Variants in AMMECR1 observed in about 807,000 individuals in gnomAD.
AMMECR1 encodes the protein nuclear protein AMMECR1.
AMMECR1 carries 3 observed loss-of-function variants against 22.5 expected under a neutral mutation model. That is an observed-to-expected ratio of 0.13 (90% CI 0.06 to 0.35). The LOEUF is 0.35. Among genes scored for constraint, AMMECR1 ranks in the 10% least tolerant of loss-of-function variants. The pLI is 1.00. For synonymous variants in AMMECR1, 130 were observed against 116.7 expected, an observed-to-expected ratio of 1.11 and a Z score of -0.74; for missense variants, 235 against 278.7, an observed-to-expected ratio of 0.84 and a Z score of 1.12.
chrX:110,231,301 G>A (rs2067564547), intron 2 of AMMECR1, among the ~76,000 whole-genome samples: 1 of 111,539 alleles, frequency 9.0e-6, no homozygotes, highest in African/African-American at 3.2e-5. Flanking sequence ...TACCCACAAA[G>A]GGAACAGCGG....
intron 2 of AMMECR1, among the ~76,000 whole-genome samples, chrX:110,390,444 C>T (rs2068487047): frequency 8.9e-6 from 1 of 112,160 alleles, no homozygotes; most frequent in Admixed American, 9.4e-5. Context: ...AACATCAACA[C>T]TGCTTTTAGC....
chrX:110,228,663 G>A (rs978420783), intron 2 of AMMECR1, among the ~76,000 whole-genome samples: 6 of 111,089 alleles, frequency 5.4e-5, no homozygotes, highest in African/African-American at 1.6e-4. Flanking sequence ...ATGAAGCCAA[G>A]CAGAACTTAT....
At chrX:110,343,631 C>A (rs141190848) in intron 2 of AMMECR1, among the ~76,000 whole-genome samples, 1 of 111,334 alleles carries the variant, frequency 9.0e-6, no homozygotes, top group East Asian at 2.8e-4. Flanking sequence ...AGCTGATAAG[C>A]AAATTCAGGA....
At chrX:110,364,713 G>A (rs946303150) in intron 2 of AMMECR1, among the ~76,000 whole-genome samples, 4 of 111,662 alleles carry the variant, frequency 3.6e-5, no homozygotes, top group Non-Finnish European at 5.6e-5. Flanking sequence ...TCCATTTAGA[G>A]TATAAGCATC....
chrX:110,380,716 A>C (rs2068413024), intron 2 of AMMECR1, among the ~76,000 whole-genome samples: 1 of 112,709 alleles, frequency 8.9e-6, no homozygotes, highest in Admixed American at 9.4e-5. Flanking sequence ...TACAGGAACC[A>C]AAACAGCATG....
intron 2 of AMMECR1, among the ~76,000 whole-genome samples, chrX:110,367,089 C>T: frequency 8.9e-6 from 1 of 112,232 alleles, no homozygotes; most frequent in Non-Finnish European, 1.9e-5. Context: ...TGGGATTCCA[C>T]TGAATGCTGA....
intron 2 of AMMECR1, among the ~76,000 whole-genome samples, chrX:110,348,073 C>CT (rs200959015): frequency 0.011 from 1,281 of 111,599 alleles, 20 homozygotes; most frequent in African/African-American, 0.04. Context: ...ACATGGTTAC[C>CT]TTTTTTTGGC....
chrX:110,341,032 A>G (rs779541753), intron 2 of AMMECR1, among the ~76,000 whole-genome samples: 11 of 112,590 alleles, frequency 9.8e-5, no homozygotes, highest in African/African-American at 1.9e-4. Flanking sequence ...ACCAACTTCA[A>G]AAATGATGAG....
rs760804097 is a variant in AMMECR1, at chrX:110,376,242, G to A, written c.-148+50416C>T. On this transcript the variant is annotated intron_variant, in intron 2 of 7. Transcript: ENST00000372057. ...GGAATGGGCTGCCTCCTGAGCTAATGAGTTTCTCATCACTAGAAGCAGGAT... is the reference window on the plus strand; with the variant it reads ...GGAATGGGCTGCCTCCTGAGCTAATAAGTTTCTCATCACTAGAAGCAGGAT... Among the ~76,000 whole-genome samples the A allele has an allele frequency of 3.6e-5, 4 of 111,354 alleles. No homozygotes were observed. In the South Asian group the frequency reaches 1.5e-3, roughly 42 times the overall value.
At chrX:110,250,171 A>C (rs948534649) in intron 2 of AMMECR1, among the ~76,000 whole-genome samples, 5 of 111,988 alleles carry the variant, frequency 4.5e-5, no homozygotes, top group African/African-American at 6.5e-5. Context: ...AAATTCATAT[A>C]CTTTTATGGG....
rs566325891 is a variant in AMMECR1, at chrX:110,201,063, G to A, written c.791-13C>T. On this transcript the variant is annotated splice_polypyrimidine_tract_variant and intron_variant, in intron 4 of 5. Coordinates refer to ENST00000262844, the MANE Select transcript of AMMECR1 (RefSeq NM_015365.3). ...ATATGGTCCCATCCTGTAGAGAGAT[G>A]ACCAGATAAAATATCAGTCAAGCAC... 1.8e-6 allele frequency: 2 copies of A among 1,091,992 alleles called. No individual in the cohort carries two copies. The highest frequency in any genetic ancestry group is 2.5e-4 in the Middle Eastern group (1 of 4,003). 90.0% of individuals were successfully genotyped at this position (1,091,992 alleles called of 1,213,427 possible). A position where few individuals can be genotyped will look rare whatever the true frequency, so the allele number is the denominator to read the frequency against.
chrX:110,413,174 C>T (rs2068652949), intron 2 of AMMECR1, among the ~76,000 whole-genome samples: 1 of 111,243 alleles, frequency 9.0e-6, no homozygotes, highest in African/African-American at 3.3e-5. Flanking sequence ...TCACTCTTCT[C>T]AGTACCCTCT....
chrX:110,346,040 C>A (rs983177597), intron 2 of AMMECR1, among the ~76,000 whole-genome samples: 1 of 111,924 alleles, frequency 8.9e-6, no homozygotes, highest in Admixed American at 9.5e-5. Flanking sequence ...ACATACCTTA[C>A]TAAGCAATTT....
chrX:110,259,086 T>C (rs1203631854), intron 2 of AMMECR1, among the ~76,000 whole-genome samples: 1 of 111,454 alleles, frequency 9.0e-6, no homozygotes, highest in African/African-American at 3.3e-5. Flanking sequence ...AGTAATAAAG[T>C]AGGTTTGTTA....
At chrX:110,225,473 A>C (rs868515695) in intron 2 of AMMECR1, among the ~76,000 whole-genome samples, 5 of 112,306 alleles carry the variant, frequency 4.5e-5, no homozygotes, top group African/African-American at 1.6e-4. Context: ...ACTGACCTAC[A>C]CACAATAGTC....
chrX:110,284,032 G>A (rs2067866299), intron 1 of AMMECR1, among the ~76,000 whole-genome samples: 1 of 111,367 alleles, frequency 9.0e-6, no homozygotes, highest in African/African-American at 3.3e-5. Flanking sequence ...TGAGGCAGGA[G>A]AATCAATCGC....
chrX:110,241,465 C>T (rs145146115), intron 2 of AMMECR1, among the ~76,000 whole-genome samples: 5 of 111,789 alleles, frequency 4.5e-5, no homozygotes, highest in South Asian at 7.5e-4. Context: ...CCTCTACGCA[C>T]GTAAACTAGA....
At chrX:110,322,895 A>C (rs1434012670), upstream of AMMECR1, among the ~76,000 whole-genome samples, 1 of 111,697 alleles carries the variant, frequency 9.0e-6, no homozygotes, top group East Asian at 2.8e-4. Context: ...CTAATAGTGC[A>C]GCTAACCCTC....
At chrX:110,353,813 A>G (rs2068220120) in intron 2 of AMMECR1, among the ~76,000 whole-genome samples, 1 of 112,085 alleles carries the variant, frequency 8.9e-6, no homozygotes, top group South Asian at 3.7e-4. Flanking sequence ...AGAACTGATG[A>G]ACAAATTCAG....
Sources: allele counts gnomAD v4.1 joint callset (sites outside exome capture counted in the v4.1 genomes callset), GRCh38; gene constraint gnomAD v4.1.1; transcripts MANE v1.5; gene names NCBI Gene and HGNC (gene_info 2026-07-23, HGNC 2026-07-21).